GATA4: variants seen among roughly 807,000 people sequenced by gnomAD.
The protein encoded by GATA4 is transcription factor GATA-4.
In GATA4, 7 loss-of-function variants were observed where a neutral mutation model predicts 37.9. The ratio of observed to expected loss-of-function variants is 0.18; its 90% CI spans 0.11 to 0.35. GATA4 has a LOEUF of 0.35. GATA4 is among the 10% of genes least tolerant of loss of function. GATA4 has a pLI of 1.00. For missense variants in GATA4, 647 were observed against 653.0 expected (o/e 0.99, Z 0.10); for synonymous variants, 372 against 292.6 (o/e 1.27, Z -2.77).
chr8:11,685,590 A>G (rs1799109741), intron 1 of GATA4, among the ~76,000 whole-genome samples: 1 of 152,042 alleles, frequency 6.6e-6, no homozygotes, highest in African/African-American at 2.4e-5. Context: ...ACAGCCCTGG[A>G]CTCCTGATTC....
chr8:11,682,856 A>G (rs370536137), intron 1 of GATA4, among the ~76,000 whole-genome samples: 7 of 152,258 alleles, frequency 4.6e-5, no homozygotes, highest in Middle Eastern at 3.4e-3. Context: ...CACTTCTCAG[A>G]GGTTGACACA....
chr8:11,697,822 G>A (rs1799550173), intron 1 of GATA4: 2 of 985,482 alleles, frequency 2.0e-6, no homozygotes, highest in Non-Finnish European at 2.4e-6. Context: ...CGGGCCGGTG[G>A]GGCGTTCCGG....
At chr8:11,698,710 G>A (rs879431210) in intron 1 of GATA4, among the ~76,000 whole-genome samples, 1 of 152,150 alleles carries the variant, frequency 6.6e-6, no homozygotes, top group African/African-American at 2.4e-5. Context: ...CAGTCTAACA[G>A]CCTAAGCATC....
At chr8:11,736,316 C>T (rs1801451073) in intron 2 of GATA4, among the ~76,000 whole-genome samples, 1 of 152,228 alleles carries the variant, frequency 6.6e-6, no homozygotes, top group Non-Finnish European at 1.5e-5. Context: ...TGAATGCTTT[C>T]ACAGGTAGGA....
chr8:11,681,635 C>T (rs1262330920), intron 1 of GATA4, among the ~76,000 whole-genome samples: 3 of 152,152 alleles, frequency 2.0e-5, no homozygotes, highest in Non-Finnish European at 2.9e-5. Context: ...GTCTTGTGAA[C>T]GTTTCTTGTC....
rs778975969 is a variant in GATA4 at position 11,707,264 on chromosome 8, G to GGAGGCTTAGCAGACACCGTT, written c.-457-590_-457-571dup. Among the ~76,000 whole-genome samples the GGAGGCTTAGCAGACACCGTT allele has an allele frequency of 4.5e-4, 69 of 152,120 alleles. No individual in the cohort carries two copies. The highest frequency in any genetic ancestry group is 2.7e-3 in the Admixed American group (41 of 15,294). ...GATGAGGGTTTCAGAACCCTCTTCA[G>GGAGGCTTAGCAGACACCGTT]GAGGCTTAGCAGACACCGTTGTTCA... On this transcript the variant is annotated intron_variant, in intron 1 of 6. Transcript: ENST00000532059. The surrounding 1 kb of genome is among the most constrained non-coding windows in gnomAD (Gnocchi z 4.7).
intron 2 of GATA4, among the ~76,000 whole-genome samples, chr8:11,714,831 G>A (rs1370245042): frequency 1.3e-5 from 2 of 152,146 alleles, no homozygotes; most frequent in African/African-American, 4.8e-5. Flanking sequence ...TGAGGTGTGG[G>A]GAAACAGGAA....
intron 2 of GATA4, among the ~76,000 whole-genome samples, chr8:11,714,696 A>G (rs1489790782): frequency 6.6e-6 from 1 of 152,174 alleles, no homozygotes; most frequent in African/African-American, 2.4e-5. Context: ...GTCAGGCCAC[A>G]TTTGCTAGGC....
At chr8:11,692,742 G>A in intron 1 of GATA4, 3 of 984,044 alleles carry the variant, frequency 3.0e-6, no homozygotes, top group Non-Finnish European at 2.4e-6. Context: ...CGGGACCCAC[G>A]CGAGGGCGCG....
At chr8:11,746,760 T>G (rs1563225983) in intron 2 of GATA4, among the ~76,000 whole-genome samples, 2 of 152,228 alleles carry the variant, frequency 1.3e-5, no homozygotes, top group Non-Finnish European at 2.9e-5. Flanking sequence ...CCGCATCTCA[T>G]GGGCGGCTCT....
intron 1 of GATA4, chr8:11,683,030 C>A (rs764914366): frequency 1.0e-6 from 1 of 982,482 alleles, no homozygotes; most frequent in African/African-American, 1.7e-5. Context: ...AGCCTCGGTG[C>A]GCGGGGGTTT....
intron 1 of GATA4, among the ~76,000 whole-genome samples, chr8:11,687,538 C>T (rs1014496740): frequency 4.6e-5 from 7 of 152,178 alleles, no homozygotes; most frequent in African/African-American, 1.7e-4. Context: ...AGTGGTATCA[C>T]ATACATCACA....
intron 2 of GATA4, among the ~76,000 whole-genome samples, chr8:11,710,290 G>A (rs561578693): frequency 2.8e-4 from 43 of 152,164 alleles, no homozygotes; most frequent in Non-Finnish European, 5.7e-4. Flanking sequence ...CACCCCCAGG[G>A]GAGGAGGGGC....
At chr8:11,729,854 T>G (rs974705804) in intron 2 of GATA4, among the ~76,000 whole-genome samples, 46 of 152,340 alleles carry the variant, frequency 3.0e-4, no homozygotes, top group African/African-American at 9.6e-4. Flanking sequence ...TATTAGTTAG[T>G]CGTTATACAT....
Position 11,708,549 on chromosome 8 carries a change from G to A in GATA4, c.237G>A (p.Gly79=). The part of the protein sequence containing the change: ...GSSGGAASGA[G]PGTQQGSPGW... ...CCGGTGGGGCCGCGTCTGGTGCGGG[G>A]CCCGGGACCCAGCAGGGCAGCCCGG... is the stretch of plus-strand genomic sequence containing the variant. The change falls in exon 2 of 7, where the codon GGG becomes GGA. Residue 79 remains glycine, a synonymous_variant. Coordinates refer to ENST00000532059, the MANE Select transcript of GATA4 (RefSeq NM_001308093.3). The surrounding 1 kb of genome is among the most constrained non-coding windows in gnomAD (Gnocchi z 6.7). 5.6e-6 allele frequency: 8 copies of A among 1,417,640 alleles called. No individual in the cohort carries two copies. Among genetic ancestry groups the A allele is most frequent in the Non-Finnish European group, 7.3e-6 (8 of 1,093,496 alleles). 87.8% of individuals were successfully genotyped at this position (1,417,640 alleles called of 1,614,324 possible).
chr8:11,744,905 C>T (rs1466104946), intron 2 of GATA4, among the ~76,000 whole-genome samples: 2 of 152,166 alleles, frequency 1.3e-5, no homozygotes, highest in Non-Finnish European at 2.9e-5. Context: ...ATGAGTCCCC[C>T]ACTCTGCTGA....
At chr8:11,680,682 C>G (rs916591366) in intron 1 of GATA4, 1 of 985,212 alleles carries the variant, frequency 1.0e-6, no homozygotes, top group Non-Finnish European at 1.2e-6. Flanking sequence ...TCAGAGACCC[C>G]CCCCTTGGGG....
At chr8:11,725,827 A>T (rs922002492) in intron 2 of GATA4, among the ~76,000 whole-genome samples, 1 of 152,214 alleles carries the variant, frequency 6.6e-6, no homozygotes, top group Non-Finnish European at 1.5e-5. Context: ...TTGCAAGTGC[A>T]TGAAAGCCAG....
At chr8:11,754,659 C>G (rs1157710742) in intron 4 of GATA4, among the ~76,000 whole-genome samples, 2 of 152,166 alleles carry the variant, frequency 1.3e-5, no homozygotes, top group Non-Finnish European at 2.9e-5. Flanking sequence ...TGAAGCCTTC[C>G]TTGATATCCT....
Sources: gnomAD v4.1 joint callset for allele counts (sites outside exome capture counted in the v4.1 genomes callset) on GRCh38, gnomAD v4.1.1 for gene constraint, Gnocchi (gnomAD v3.1) non-coding constraint, MANE v1.5 for transcripts, NCBI Gene and HGNC (gene_info 2026-07-23, HGNC 2026-07-21) for gene names.